SOD3: variants seen among roughly 807,000 people sequenced by gnomAD.
SOD3 encodes superoxide dismutase 3.
SOD3 carries 3 observed loss-of-function variants against 2.6 expected under a neutral mutation model. The observed-to-expected ratio is 1.13, with a 90% CI of 0.52 to 2.93. SOD3 has a LOEUF of 2.93. Among genes scored for constraint, SOD3 ranks in the 30% most tolerant of loss-of-function variants. SOD3 has a pLI of 0.04. For missense variants in SOD3, 379 were observed against 370.4 expected, an observed-to-expected ratio of 1.02 and a Z score of -0.19; for synonymous variants, 188 against 177.5, an observed-to-expected ratio of 1.06 and a Z score of -0.47.
intron 1 of SOD3, among the ~76,000 whole-genome samples, chr4:24,796,606 G>T (rs1380289066): frequency 7.1e-6 from 1 of 140,240 alleles, no homozygotes; most frequent in Non-Finnish European, 1.6e-5. Context: ...ACAGGCACAT[G>T]CCACCACACC....
At chr4:24,797,868 A>C (rs998574895) in intron 1 of SOD3, among the ~76,000 whole-genome samples, 1 of 152,174 alleles carries the variant, frequency 6.6e-6, no homozygotes, top group Non-Finnish European at 1.5e-5. Context: ...TCCCTCTGGA[A>C]ATACCTCGGT....
chr4:24,796,463 A>G (rs1360706149), intron 1 of SOD3, among the ~76,000 whole-genome samples: 1 of 5,026 alleles, frequency 2.0e-4, no homozygotes, highest in African/African-American at 3.0e-4. Flanking sequence ...TTTTTTTTTG[A>G]GACATGGTCT....
At chr4:24,795,820 C>CGGGGAGGAAGGCAAGGA (rs1277454976) in intron 1 of SOD3, among the ~76,000 whole-genome samples, 169 bp downstream of exon 1, 1 of 151,614 alleles carries the variant, frequency 6.6e-6, no homozygotes, top group Admixed American at 6.6e-5. Context: ...GTGGAGTGAG[C>CGGGGAGGAAGGCAAGGA]GGGGAGGAAG....
chr4:24,800,124 G>T lies in SOD3; in HGVS notation c.603G>T (p.Ala201=). The part of the protein sequence containing the change: ...GNQASVENGN[A]GRRLACCVVG... Reference sequence around the variant, plus strand: ...AGGCCAGCGTGGAGAACGGGAACGCGGGCCGGCGGCTGGCCTGCTGCGTGG... The same window carrying T: ...AGGCCAGCGTGGAGAACGGGAACGCTGGCCGGCGGCTGGCCTGCTGCGTGG... The change falls in exon 2 of 2, where the codon GCG becomes GCT. Residue 201 remains alanine, a synonymous_variant. Transcript: ENST00000382120. The T allele has an allele frequency of 2.2e-6, 3 of 1,377,396 alleles. No homozygotes were observed. Among genetic ancestry groups the T allele is most frequent in the Non-Finnish European group, 1.9e-6 (2 of 1,076,034 alleles). The allele number at this position is 1,377,396 out of a possible 1,614,324, so 85.3% of individuals were successfully genotyped here. A position where few individuals can be genotyped will look rare whatever the true frequency, so the allele number is the denominator to read the frequency against.
chr4:24,799,427 G>A (rs1713762238), intron 1 of SOD3, 79 bp from the exon 2 acceptor site: 3 of 1,502,834 alleles, frequency 2.0e-6, no homozygotes, highest in African/African-American at 2.8e-5. Flanking sequence ...TTGGTTCTGC[G>A]ATAATGGGGT....
intron 1 of SOD3, among the ~76,000 whole-genome samples, chr4:24,796,273 T>C (rs1307261308): frequency 1.3e-5 from 2 of 152,054 alleles, no homozygotes; most frequent in African/African-American, 4.8e-5. Context: ...AAAAAGGCAC[T>C]TGGTCATTCA....
chr4:24,800,445 G>C lies in SOD3; in HGVS notation c.*201G>C. On this transcript the variant is annotated 3_prime_UTR_variant, in exon 2 of 2. Coordinates refer to ENST00000382120, the MANE Select transcript of SOD3 (RefSeq NM_003102.4). ...CATCCTGAGGACCGCCCCAACCCTCGGAGCCCCCCACTCAGTAGGTCTGAA... is the reference window on the plus strand; with the variant it reads ...CATCCTGAGGACCGCCCCAACCCTCCGAGCCCCCCACTCAGTAGGTCTGAA... 2.2e-6 allele frequency: 1 copy of C among 444,852 alleles called. No homozygotes were observed. Among genetic ancestry groups the C allele is most frequent in the Non-Finnish European group, 3.9e-6 (1 of 258,090 alleles). 27.6% of individuals were successfully genotyped at this position (444,852 alleles called of 1,614,324 possible). A position where few individuals can be genotyped will look rare whatever the true frequency, so the allele number is the denominator to read the frequency against.
chr4:24,796,177 C>A (rs922422038), intron 1 of SOD3, among the ~76,000 whole-genome samples: 1 of 151,804 alleles, frequency 6.6e-6, no homozygotes, highest in African/African-American at 2.4e-5. Context: ...AGGATAAGGG[C>A]CCCTGTCCTC....
chr4:24,797,446 G>C (rs543548186), intron 1 of SOD3, among the ~76,000 whole-genome samples: 138 of 152,334 alleles, frequency 9.1e-4, no homozygotes, highest in African/African-American at 2.9e-3. Flanking sequence ...CCCACGCACA[G>C]TACTTATAAT....
chr4:24,800,371 C>A lies in SOD3; in HGVS notation c.*127C>A. 2.0e-6 allele frequency: 2 copies of A among 999,112 alleles called. No individual in the cohort carries two copies. The highest frequency in any genetic ancestry group is 2.7e-6 in the Non-Finnish European group (2 of 748,952). The allele number at this position is 999,112 out of a possible 1,614,324, so 61.9% of individuals were successfully genotyped here. On this transcript the variant is annotated 3_prime_UTR_variant, in exon 2 of 2. Transcript: ENST00000382120. ...CTTCGCCTTTGCTGAAGTCTCCCCG[C>A]AGCCCTCTCCACCCAGAGGTCTCCC...
chr4:24,798,823 C>T (rs1486455235), intron 1 of SOD3, among the ~76,000 whole-genome samples: 1 of 152,210 alleles, frequency 6.6e-6, no homozygotes, highest in Non-Finnish European at 1.5e-5. Flanking sequence ...GGTACTGCCT[C>T]CTCTGTCCTT....
chr4:24,799,407 G>C, intron 1 of SOD3, 99 bp from the exon 2 acceptor site: 1 of 1,396,366 alleles, frequency 7.2e-7, no homozygotes, highest in South Asian at 1.4e-5. Flanking sequence ...GCCCACTGGG[G>C]ACTGGGGGGT....
At chr4:24,799,485 C>A (rs547096842) in intron 1 of SOD3, 21 bp from the exon 2 acceptor site, 1 of 1,592,260 alleles carries the variant, frequency 6.3e-7, no homozygotes, top group Non-Finnish European at 8.5e-7. Context: ...CTGCCCCCAC[C>A]TCCGCGGGGG....
chr4:24,799,968 C>G lies in SOD3; in HGVS notation c.447C>G (p.Phe149Leu). The G allele has an allele frequency of 6.3e-7, 1 of 1,587,238 alleles. No individual in the cohort carries two copies. The highest frequency in any genetic ancestry group is 8.5e-7 in the Non-Finnish European group (1 of 1,174,612). The change falls in exon 2 of 2, where the codon TTC (phenylalanine) becomes TTG (leucine). Residue 149 changes from phenylalanine (F) to leucine (L), a missense_variant. Coordinates refer to ENST00000382120, the MANE Select transcript of SOD3 (RefSeq NM_003102.4). ...AGCACCCGGGCGACTTCGGCAACTT[C>G]GCGGTCCGCGACGGCAGCCTCTGGA... ...HPQHPGDFGNFAVRDGSLWRY... is the reference protein window; with the variant it reads ...HPQHPGDFGNLAVRDGSLWRY...
chr4:24,799,484 C>A (rs200878920), intron 1 of SOD3, 22 bp from the exon 2 acceptor site: 2 of 1,592,256 alleles, frequency 1.3e-6, no homozygotes, highest in Non-Finnish European at 8.5e-7. Context: ...TCTGCCCCCA[C>A]CTCCGCGGGG....
Position 24,799,859 on chromosome 4 carries a change from T to A in SOD3, c.338T>A (p.Ile113Asn). The change falls in exon 2 of 2, where the codon ATC becomes AAC. Residue 113 changes from isoleucine to asparagine, a missense_variant. Transcript: ENST00000382120. ...PTEPNSSSRA[I>N]HVHQFGDLSQ... is the part of the protein sequence containing the mutation. ...GAGCCGAACAGCTCCAGCCGCGCCA[T>A]CCACGTGCACCAGTTCGGGGACCTG... The A allele has an allele frequency of 1.2e-6, 2 of 1,602,904 alleles. No homozygotes were observed. The highest frequency in any genetic ancestry group is 2.2e-5 in the East Asian group (1 of 44,760).
In SOD3 at chr4:24,799,576, T is replaced by C. The variant is rs1185322247; in HGVS notation, c.55T>C (p.Trp19Arg). The change falls in exon 2 of 2, where the codon TGG (tryptophan) becomes CGG (arginine). Residue 19 changes from tryptophan (W) to arginine (R), a missense_variant. Transcript: ENST00000382120. ...CCTGGCAGCCGGTGCCTCGGACGCCTGGACGGGCGAGGACTCGGCGGAGCC... is the reference window on the plus strand; with the variant it reads ...CCTGGCAGCCGGTGCCTCGGACGCCCGGACGGGCGAGGACTCGGCGGAGCC... The part of the protein sequence containing the change: ...LLLAAGASDA[W>R]TGEDSAEPNS... The C allele has an allele frequency of 3.1e-6, 5 of 1,602,948 alleles. No homozygotes were observed. In the African/African-American group the frequency reaches 4.0e-5, roughly 13 times the overall value.
In SOD3 at chr4:24,800,672, C is replaced by T. The variant is rs1217672900; in HGVS notation, c.*428C>T. 6.1e-6 allele frequency: 1 copy of T among 164,746 alleles called. No homozygotes were observed. The highest frequency in any genetic ancestry group is 2.4e-5 in the African/African-American group (1 of 41,092). 10.2% of individuals were successfully genotyped at this position (164,746 alleles called of 1,614,324 possible). A position where few individuals can be genotyped will look rare whatever the true frequency, so the allele number is the denominator to read the frequency against. ...TGGGGGGTTGCCTCGAGTCCCCCCACCCCTCCCCACCCACCACCGCTCCCG... is the reference window on the plus strand; with the variant it reads ...TGGGGGGTTGCCTCGAGTCCCCCCATCCCTCCCCACCCACCACCGCTCCCG... On this transcript the variant is annotated 3_prime_UTR_variant, in exon 2 of 2. Coordinates refer to ENST00000382120, the MANE Select transcript of SOD3 (RefSeq NM_003102.4).
At position 24,799,491 on chromosome 4, in the gene SOD3, G is replaced by A; in HGVS notation, c.-16-15G>A. On this transcript the variant is annotated splice_polypyrimidine_tract_variant and intron_variant, in intron 1 of 1. Coordinates refer to ENST00000382120, the MANE Select transcript of SOD3 (RefSeq NM_003102.4). ...AGCCTCACTCTGCCCCCACCTCCGC[G>A]GGGGCGTCCCGCAGGTGCCCGACTC... The A allele has an allele frequency of 6.3e-7, 1 of 1,594,142 alleles. No individual in the cohort carries two copies. The highest frequency in any genetic ancestry group is 8.5e-7 in the Non-Finnish European group (1 of 1,177,644).
Sources: gnomAD v4.1 joint callset for allele counts (sites outside exome capture counted in the v4.1 genomes callset) on GRCh38, gnomAD v4.1.1 for gene constraint, MANE v1.5 for transcripts, NCBI Gene and HGNC (gene_info 2026-07-23, HGNC 2026-07-21) for gene names.